USP10: variants seen among roughly 807,000 people sequenced by gnomAD.
The protein encoded by USP10 is ubiquitin carboxyl-terminal hydrolase 10.
Under a neutral mutation model 84.5 loss-of-function variants are expected in USP10, and 22 were observed. That is an observed-to-expected ratio of 0.26 (90% CI 0.19 to 0.37). USP10 has a LOEUF of 0.37. Ranked by LOEUF, USP10 falls within the 10% of genes least tolerant of loss-of-function variation. The probability of loss-of-function intolerance (pLI) is 1.00; values close to 1 mark genes in which losing one functional copy is unlikely to be tolerated. For synonymous variants in USP10, 454 were observed against 387.6 expected (o/e 1.17, Z -2.01); for missense variants, 1,019 against 998.9 (o/e 1.02, Z -0.27).
chr16:84,721,644 C>T (rs578063083), intron 1 of USP10, among the ~76,000 whole-genome samples: 46 of 152,284 alleles, frequency 3.0e-4, no homozygotes, highest in Non-Finnish European at 5.6e-4. Flanking sequence ...CCTCCTGCCT[C>T]AGCCCTCCCA....
Position 84,769,334 on chromosome 16 carries a change from G to A in USP10, c.1998+976G>A, listed in dbSNP as rs1272057933. ...CTTAGCACCTTCGGGGTGTCCTGCTGTGGACTGGTTCACCCAGGCTCTGGG... is the reference window on the plus strand; with the variant it reads ...CTTAGCACCTTCGGGGTGTCCTGCTATGGACTGGTTCACCCAGGCTCTGGG... On this transcript the variant is annotated intron_variant, in intron 11 of 13. Coordinates refer to ENST00000219473, the MANE Select transcript of USP10 (RefSeq NM_005153.3). Among the ~76,000 whole-genome samples the A allele has an allele frequency of 2.0e-5, 3 of 152,316 alleles. No homozygotes were observed. The South Asian group carries it at 6.2e-4, about 32-fold the overall frequency.
chr16:84,733,385 A>G (rs1230155386), intron 1 of USP10, 50 bp from the exon 2 acceptor site: 1 of 1,403,300 alleles, frequency 7.1e-7, no homozygotes. Context: ...TTCTGAAAGT[A>G]TATAATTTGT....
intron 1 of USP10, among the ~76,000 whole-genome samples, chr16:84,717,538 G>A (rs1464617456): frequency 2.6e-5 from 4 of 152,106 alleles, no homozygotes; most frequent in African/African-American, 9.7e-5. Flanking sequence ...GATTTAGCTT[G>A]GTGACAAGCT....
chr16:84,739,901 G>A (rs751502588), intron 2 of USP10, among the ~76,000 whole-genome samples: 4 of 152,202 alleles, frequency 2.6e-5, no homozygotes, highest in Admixed American at 6.5e-5. Flanking sequence ...TGTAGTGATC[G>A]TGAATAAGAG....
chr16:84,759,599 A>C, intron 6 of USP10, 127 bp downstream of exon 6: 1 of 921,978 alleles, frequency 1.1e-6, no homozygotes, highest in South Asian at 1.6e-5. Flanking sequence ...TTTTTTTAAA[A>C]ATAGACTGTT....
At chr16:84,726,474 C>G (rs947271459) in intron 1 of USP10, among the ~76,000 whole-genome samples, 1 of 152,230 alleles carries the variant, frequency 6.6e-6, no homozygotes, top group Non-Finnish European at 1.5e-5. Flanking sequence ...ACTCAGGCCC[C>G]CTGAGGGCCG....
In USP10 at chr16:84,743,651, G is replaced by A. The variant is rs1910882228; in HGVS notation, c.152-982G>A. Among the ~76,000 whole-genome samples, 11 of 152,230 alleles carry A rather than the reference G, an allele frequency of 7.2e-5. No homozygotes were observed. In the South Asian group the frequency reaches 2.3e-3, roughly 32 times the overall value. On this transcript the variant is annotated intron_variant, in intron 3 of 13. Coordinates refer to ENST00000219473, the MANE Select transcript of USP10 (RefSeq NM_005153.3). Reference sequence around the variant, plus strand: ...TGTCCTTCCCTTAACTTCAAAATGTGTAACTTTTTATCAAATATAAGGTGA... The same window carrying A: ...TGTCCTTCCCTTAACTTCAAAATGTATAACTTTTTATCAAATATAAGGTGA...
chr16:84,754,400 C>T (rs1001618792), intron 4 of USP10, among the ~76,000 whole-genome samples: 3 of 152,270 alleles, frequency 2.0e-5, no homozygotes, highest in East Asian at 1.9e-4. Context: ...TTAACGACGT[C>T]GTACCAGAAT....
chr16:84,745,980 A>G (rs1019285842), intron 4 of USP10, among the ~76,000 whole-genome samples: 6 of 152,204 alleles, frequency 3.9e-5, no homozygotes, highest in Non-Finnish European at 8.8e-5. Context: ...GTATGAATGT[A>G]TAATGGACTT....
intron 1 of USP10, among the ~76,000 whole-genome samples, chr16:84,718,508 C>G (rs1232072595): frequency 6.6e-6 from 1 of 152,148 alleles, no homozygotes; most frequent in Non-Finnish European, 1.5e-5. Context: ...CCTGTAATCC[C>G]AGCACTTTGG....
intron 1 of USP10, chr16:84,733,119 C>T (rs561411637): frequency 1.2e-5 from 6 of 482,952 alleles, no homozygotes; most frequent in Non-Finnish European, 2.4e-5. Context: ...AATGGAACAA[C>T]TGGCAGTATT....
intron 2 of USP10, among the ~76,000 whole-genome samples, chr16:84,736,575 C>A (rs1342672170): frequency 6.6e-6 from 1 of 152,212 alleles, no homozygotes; most frequent in Non-Finnish European, 1.5e-5. Flanking sequence ...CATGTTTAAA[C>A]CTCAGTCGTA....
chr16:84,746,315 A>C (rs1911219161), intron 4 of USP10, among the ~76,000 whole-genome samples: 1 of 152,238 alleles, frequency 6.6e-6, no homozygotes. Context: ...GAAATGCAGC[A>C]GGGTATGAAA....
At chr16:84,724,837 C>A (rs1428676565) in intron 1 of USP10, among the ~76,000 whole-genome samples, 1 of 152,184 alleles carries the variant, frequency 6.6e-6, no homozygotes, top group African/African-American at 2.4e-5. Flanking sequence ...TGTGCATTCA[C>A]TAGTTGATGA....
At chr16:84,700,740 C>T (rs1904757324) in intron 1 of USP10, among the ~76,000 whole-genome samples, 1 of 152,164 alleles carries the variant, frequency 6.6e-6, no homozygotes, top group Admixed American at 6.5e-5. Flanking sequence ...AGTGACATCC[C>T]TTGCACGAAT....
At chr16:84,766,193 C>T (rs1913842001) in intron 10 of USP10, among the ~76,000 whole-genome samples, 1 of 152,244 alleles carries the variant, frequency 6.6e-6, no homozygotes, top group African/African-American at 2.4e-5. Context: ...GCGCTGACGC[C>T]CTCAGAAGCT....
chr16:84,701,539 G>A (rs1274857705), intron 1 of USP10, among the ~76,000 whole-genome samples: 2 of 152,122 alleles, frequency 1.3e-5, no homozygotes, highest in Non-Finnish European at 2.9e-5. Flanking sequence ...TAGCTTATTA[G>A]AATTGGTATG....
Position 84,710,863 on chromosome 16 carries a change from C to T in USP10, c.21+10752C>T, listed in dbSNP as rs532553287. 5.0e-4 allele frequency among the ~76,000 whole-genome samples: 76 copies of T among 152,204 alleles called. 1 individual carries two copies. The highest frequency in any genetic ancestry group is 1.8e-3 in the African/African-American group (74 of 41,530). Reference sequence around the variant, plus strand: ...AGCCAGGCTCAGGTTGCAGGTCGTCCGCATGGGTTTGTGTACAGCTTTTTT... The same window carrying T: ...AGCCAGGCTCAGGTTGCAGGTCGTCTGCATGGGTTTGTGTACAGCTTTTTT... On this transcript the variant is annotated intron_variant, in intron 1 of 13. Transcript: ENST00000219473.
intron 1 of USP10, among the ~76,000 whole-genome samples, chr16:84,716,724 C>T (rs906036311): frequency 6.6e-6 from 1 of 152,026 alleles, no homozygotes. Flanking sequence ...AGGTGCACGA[C>T]CTTCGGCAAG....
Sources: gnomAD v4.1 joint callset for allele counts (sites outside exome capture counted in the v4.1 genomes callset) on GRCh38, gnomAD v4.1.1 for gene constraint, MANE v1.5 for transcripts, NCBI Gene and HGNC (gene_info 2026-07-23, HGNC 2026-07-21) for gene names.